AMBRA1: variants seen among roughly 807,000 people sequenced by gnomAD.
AMBRA1 encodes the protein activating molecule in BECN1-regulated autophagy protein 1.
In AMBRA1, 47 loss-of-function variants were observed where a neutral mutation model predicts 125.4. That is an observed-to-expected ratio of 0.37 (90% CI 0.30 to 0.48). The LOEUF (loss-of-function observed/expected upper bound fraction) is 0.48, where lower values mean the gene tolerates loss of function less well. AMBRA1 is among the 20% of genes least tolerant of loss of function. AMBRA1 has a pLI of 0.99. For missense variants in AMBRA1, 1,331 were observed against 1,693.4 expected (o/e 0.79, Z 3.76); for synonymous variants, 626 against 655.5 (o/e 0.95, Z 0.69).
intron 9 of AMBRA1, among the ~76,000 whole-genome samples, chr11:46,503,060 C>CAAAAAAAAA (rs35217088): frequency 6.4e-5 from 2 of 31,022 alleles, no homozygotes; most frequent in African/African-American, 1.6e-4. Flanking sequence ...GACTCTGTCT[C>CAAAAAAAAA]AAAAAAAAAA....
intron 5 of AMBRA1, among the ~76,000 whole-genome samples, chr11:46,544,353 C>G (rs1952896217): frequency 6.6e-6 from 1 of 152,168 alleles, no homozygotes. Flanking sequence ...AACCGTAAAG[C>G]ATAAAATGCT....
intron 7 of AMBRA1, among the ~76,000 whole-genome samples, chr11:46,527,601 A>G (rs549884057): frequency 7.2e-5 from 11 of 152,000 alleles, no homozygotes; most frequent in African/African-American, 2.7e-4. Flanking sequence ...CTCAATAACC[A>G]AAAAACCCCA....
intron 14 of AMBRA1, among the ~76,000 whole-genome samples, chr11:46,422,152 G>C (rs1347731101): frequency 2.6e-5 from 4 of 152,130 alleles, no homozygotes; most frequent in African/African-American, 9.7e-5. Flanking sequence ...GACCCTCTGT[G>C]GGGCTGAATA....
chr11:46,450,312 A>T (rs1948517505), intron 11 of AMBRA1, among the ~76,000 whole-genome samples: 1 of 152,232 alleles, frequency 6.6e-6, no homozygotes, highest in South Asian at 2.1e-4. Context: ...GTCAAAGGCT[A>T]CATACTATAG....
At chr11:46,466,391 C>T (rs1949325442) in intron 11 of AMBRA1, among the ~76,000 whole-genome samples, 1 of 151,746 alleles carries the variant, frequency 6.6e-6, no homozygotes, top group African/African-American at 2.4e-5. Flanking sequence ...AGGAGACCAA[C>T]CACAGCCACA....
chr11:46,491,931 A>AG (rs1950477676), intron 11 of AMBRA1, among the ~76,000 whole-genome samples: 1 of 152,240 alleles, frequency 6.6e-6, no homozygotes, highest in Non-Finnish European at 1.5e-5. Flanking sequence ...CTAAATGCCA[A>AG]GGAAACAGAG....
At chr11:46,474,348 C>T (rs1166547685) in intron 11 of AMBRA1, among the ~76,000 whole-genome samples, 1 of 152,046 alleles carries the variant, frequency 6.6e-6, no homozygotes, top group East Asian at 1.9e-4. Flanking sequence ...ACGAACAGGT[C>T]TATTCATATA....
rs111581892 is a variant in AMBRA1 at position 46,522,244 on chromosome 11, A to C, written c.2073-9431T>G. ...ATACATGGGTAGTTATTTTTAATAC[A>C]TTTGTAAGATGACTGGTTGGCACTA... is the stretch of plus-strand genomic sequence containing the variant. On this transcript the variant is annotated intron_variant, in intron 7 of 17. Coordinates refer to ENST00000683756, the MANE Select transcript of AMBRA1 (RefSeq NM_001387011.1). Among the ~76,000 whole-genome samples the C allele has an allele frequency of 7.4e-3, 1,122 of 152,330 alleles. 18 individuals are homozygous for C. Among genetic ancestry groups the C allele is most frequent in the African/African-American group, 0.025 (1,041 of 41,568 alleles).
intron 11 of AMBRA1, among the ~76,000 whole-genome samples, chr11:46,457,443 T>C (rs747564847): frequency 6.6e-6 from 1 of 152,190 alleles, no homozygotes; most frequent in Non-Finnish European, 1.5e-5. Flanking sequence ...TTGACAATCT[T>C]GAGGGTGTTC....
chr11:46,465,738 C>A (rs1949295854), intron 11 of AMBRA1, among the ~76,000 whole-genome samples: 1 of 152,212 alleles, frequency 6.6e-6, no homozygotes, highest in South Asian at 2.1e-4. Context: ...AAGGTTCATC[C>A]ATCCCCAAAA....
chr11:46,585,424 T>C (rs2044335155), intron 1 of AMBRA1, among the ~76,000 whole-genome samples: 2 of 149,882 alleles, frequency 1.3e-5, no homozygotes, highest in South Asian at 2.1e-4. Flanking sequence ...TCCCAGCACT[T>C]TGGGAGGCCG....
At chr11:46,559,555 T>C (rs565121226) in intron 1 of AMBRA1, among the ~76,000 whole-genome samples, 1 of 152,266 alleles carries the variant, frequency 6.6e-6, no homozygotes, top group East Asian at 1.9e-4. Context: ...ACAGAGACAG[T>C]GGATATTCTG....
intron 9 of AMBRA1, among the ~76,000 whole-genome samples, chr11:46,505,546 G>C (rs1022721440): frequency 2.0e-5 from 3 of 152,072 alleles, no homozygotes; most frequent in Non-Finnish European, 2.9e-5. Context: ...TTTCCAAGGA[G>C]TATGAGAGAA....
At chr11:46,470,828 C>G (rs1949557317) in intron 11 of AMBRA1, among the ~76,000 whole-genome samples, 1 of 152,110 alleles carries the variant, frequency 6.6e-6, no homozygotes, top group Admixed American at 6.6e-5. Context: ...GTTTACTCAT[C>G]AGACAAATAT....
intron 11 of AMBRA1, among the ~76,000 whole-genome samples, chr11:46,473,741 C>T (rs927315694): frequency 2.0e-5 from 3 of 152,332 alleles, no homozygotes; most frequent in East Asian, 1.9e-4. Flanking sequence ...AGCTCCGCCT[C>T]GCGGGTTCAC....
At chr11:46,592,968 A>C (rs1303497957) in intron 1 of AMBRA1, among the ~76,000 whole-genome samples, 1 of 148,644 alleles carries the variant, frequency 6.7e-6, no homozygotes, top group Non-Finnish European at 1.5e-5. Context: ...GTAGACAACA[A>C]GGTTATCAGG....
chr11:46,572,191 C>T (rs2043789955), intron 1 of AMBRA1, among the ~76,000 whole-genome samples: 1 of 152,052 alleles, frequency 6.6e-6, no homozygotes, highest in African/African-American at 2.4e-5. Context: ...ATCCCAGCTA[C>T]TCGGGAGGCT....
intron 7 of AMBRA1, among the ~76,000 whole-genome samples, chr11:46,530,372 G>C (rs1234620921): frequency 6.6e-6 from 1 of 152,202 alleles, no homozygotes; most frequent in African/African-American, 2.4e-5. Flanking sequence ...CCTGCACTGG[G>C]AGAAGGGCTG....
intron 11 of AMBRA1, among the ~76,000 whole-genome samples, chr11:46,460,607 G>A (rs1276508567): frequency 6.6e-6 from 1 of 152,156 alleles, no homozygotes; most frequent in Non-Finnish European, 1.5e-5. Context: ...ACAGGCGTGA[G>A]CCACCGCGTC....
Sources: gnomAD v4.1 joint callset for allele counts (sites outside exome capture counted in the v4.1 genomes callset) on GRCh38, gnomAD v4.1.1 for gene constraint, MANE v1.5 for transcripts, NCBI Gene and HGNC (gene_info 2026-07-23, HGNC 2026-07-21) for gene names.